PCDH11X: variants seen among roughly 807,000 people sequenced by gnomAD.
PCDH11X encodes the protein protocadherin-11 X-linked.
Under a neutral mutation model 53.3 loss-of-function variants are expected in PCDH11X, and 18 were observed. That is an observed-to-expected ratio of 0.34 (90% CI 0.23 to 0.50). PCDH11X has a LOEUF of 0.50. PCDH11X is among the 20% of genes least tolerant of loss of function. PCDH11X has a pLI of 0.98. For missense variants in PCDH11X, 570 were observed against 1,032.4 expected, an observed-to-expected ratio of 0.55 and a Z score of 6.14; for synonymous variants, 279 against 393.3, an observed-to-expected ratio of 0.71 and a Z score of 3.44.
chrX:91,933,452 C>T (rs369763809), intron 6 of PCDH11X, among the ~76,000 whole-genome samples: 203 of 110,941 alleles, frequency 1.8e-3, no homozygotes, highest in African/African-American at 6.5e-3. Flanking sequence ...AGATAGGCAA[C>T]TCAAATACCT....
rs1271591199 is a variant in PCDH11X, at chrX:92,269,069, C to T, written c.3144+5926C>T. Among the ~76,000 whole-genome samples the T allele has an allele frequency of 3.6e-5, 4 of 112,148 alleles. No individual in the cohort carries two copies. In the East Asian group the frequency reaches 1.1e-3, roughly 32 times the overall value. ...TCCATAATTTTGAGCATAGTCCTCC[C>T]TTTTTAAGTTCACCAGTTTATTAAC... On this transcript the variant is annotated intron_variant, in intron 8 of 10. Transcript: ENST00000682573.
At chrX:92,001,839 A>G (rs2062516550) in intron 6 of PCDH11X, among the ~76,000 whole-genome samples, 1 of 109,453 alleles carries the variant, frequency 9.1e-6, no homozygotes, top group African/African-American at 3.3e-5. Context: ...ATTTTCTCCC[A>G]TTCTGTAAGT....
chrX:92,525,330 C>T (rs1442035404), intron 10 of PCDH11X, among the ~76,000 whole-genome samples: 1 of 111,584 alleles, frequency 9.0e-6, no homozygotes, highest in Admixed American at 9.5e-5. Flanking sequence ...CAAAGTAAGA[C>T]TTTAAAAAAA....
At position 91,792,798 on chromosome X, in the gene PCDH11X, T is replaced by G. The variant is rs781525345; in HGVS notation, c.-379+13114T>G. On this transcript the variant is annotated intron_variant, in intron 1 of 10. Transcript: ENST00000682573. ...ATTTCCTTTACAATATCATTACACT[T>G]TATATATTTTTATATCCTATGCCAA... is the stretch of plus-strand genomic sequence containing the variant. Among the ~76,000 whole-genome samples the G allele has an allele frequency of 2.7e-5, 3 of 111,568 alleles. No homozygotes were observed. In the Admixed American group the frequency reaches 2.9e-4, roughly 11 times the overall value.
intron 10 of PCDH11X, among the ~76,000 whole-genome samples, chrX:92,493,650 T>TTC (rs1213423100): frequency 9.9e-6 from 1 of 101,290 alleles, no homozygotes; most frequent in Non-Finnish European, 2.0e-5. Context: ...CCTTAACTTT[T>TTC]TTTTTTTTTT....
chrX:92,462,011 C>T (rs1423392513), intron 9 of PCDH11X, among the ~76,000 whole-genome samples: 1 of 111,916 alleles, frequency 8.9e-6, no homozygotes, highest in Admixed American at 9.5e-5. Flanking sequence ...CTTTAATTAC[C>T]TACTGTTTTC....
chrX:92,121,988 T>TG (rs1252902806), intron 6 of PCDH11X, among the ~76,000 whole-genome samples: 1 of 104,751 alleles, frequency 9.5e-6, no homozygotes, highest in Non-Finnish European at 2.0e-5. Context: ...TCTGTTTTTT[T>TG]TTTTTTTTTT....
At chrX:92,533,823 G>T (rs2148728972) in intron 10 of PCDH11X, among the ~76,000 whole-genome samples, 1 of 105,257 alleles carries the variant, frequency 9.5e-6, no homozygotes, top group Non-Finnish European at 1.9e-5. Context: ...ACTGTTAGAA[G>T]GAAAACTAAC....
chrX:92,009,092 C>T (rs1374810904), intron 6 of PCDH11X, among the ~76,000 whole-genome samples: 1 of 112,287 alleles, frequency 8.9e-6, no homozygotes, highest in African/African-American at 3.2e-5. Flanking sequence ...TTAAGAAAAT[C>T]AGCAAAATTT....
intron 9 of PCDH11X, among the ~76,000 whole-genome samples, chrX:92,429,100 A>G (rs1291918114): frequency 9.0e-6 from 1 of 111,228 alleles, no homozygotes; most frequent in South Asian, 3.7e-4. Flanking sequence ...GCAGTGGTCA[A>G]TAACTGGAGC....
At chrX:91,907,406 CACACACAG>C (rs1941209504) in intron 6 of PCDH11X, among the ~76,000 whole-genome samples, 1 of 62,374 alleles carries the variant, frequency 1.6e-5, no homozygotes, top group African/African-American at 7.0e-5. Context: ...CACACACACA[CACACACAG>C]AGAGAGAGAG....
intron 6 of PCDH11X, among the ~76,000 whole-genome samples, chrX:91,922,045 T>A (rs1001103726): frequency 1.8e-5 from 2 of 111,167 alleles, no homozygotes; most frequent in African/African-American, 3.3e-5. Flanking sequence ...GTATAGTTTT[T>A]AAAAGAGTGT....
chrX:92,000,482 T>C (rs959831353), intron 6 of PCDH11X, among the ~76,000 whole-genome samples: 84 of 106,574 alleles, frequency 7.9e-4, no homozygotes, highest in African/African-American at 2.8e-3. Context: ...ATGGGGTACA[T>C]GAGATTTTTT....
chrX:91,870,786 T>C (rs1361827090), intron 5 of PCDH11X, among the ~76,000 whole-genome samples: 1 of 110,490 alleles, frequency 9.1e-6, no homozygotes, highest in Non-Finnish European at 1.9e-5. Context: ...AGAGAGATGG[T>C]GTTTTCTTAC....
intron 6 of PCDH11X, among the ~76,000 whole-genome samples, chrX:92,129,561 G>C (rs758399466): frequency 1.8e-5 from 2 of 112,335 alleles, no homozygotes; most frequent in East Asian, 5.6e-4. Context: ...GAAATCCAAA[G>C]AAGCGGTTAA....
chrX:92,184,717 G>T (rs2066059988), intron 6 of PCDH11X, among the ~76,000 whole-genome samples: 1 of 110,954 alleles, frequency 9.0e-6, no homozygotes, highest in Non-Finnish European at 1.9e-5. Flanking sequence ...GAGGCACCAA[G>T]AATATTACTA....
intron 8 of PCDH11X, among the ~76,000 whole-genome samples, chrX:92,280,790 T>TA (rs1569453495): frequency 1.6e-4 from 17 of 108,632 alleles, no homozygotes; most frequent in East Asian, 5.8e-4. Context: ...TATATTTTTT[T>TA]TAAAAAAAAA....
Position 92,422,300 on chromosome X carries a change from T to A in PCDH11X, c.3343+34367T>A, listed in dbSNP as rs2071989415. On this transcript the variant is annotated intron_variant, in intron 9 of 10. Coordinates refer to ENST00000682573, the MANE Select transcript of PCDH11X (RefSeq NM_032968.5). ...ACTGTACCAAATTTGTAGTCTTTTA[T>A]CCCTCACTCCCCTCCCACCCTTTCT... Among the ~76,000 whole-genome samples, 3 of 109,834 alleles carry A rather than the reference T, an allele frequency of 2.7e-5. No individual in the cohort carries two copies. In the Admixed American group the frequency reaches 2.9e-4, roughly 11 times the overall value.
At chrX:92,268,466 A>AT (rs1324023074) in intron 8 of PCDH11X, among the ~76,000 whole-genome samples, 1 of 110,632 alleles carries the variant, frequency 9.0e-6, no homozygotes, top group Non-Finnish European at 1.9e-5. Context: ...AATTTTTTGT[A>AT]TTTTTTAGTA....
Sources: gnomAD v4.1 joint callset for allele counts (sites outside exome capture counted in the v4.1 genomes callset) on GRCh38, gnomAD v4.1.1 for gene constraint, MANE v1.5 for transcripts, NCBI Gene and HGNC (gene_info 2026-07-23, HGNC 2026-07-21) for gene names.